The following OGFOD3 variants were observed in gnomAD, a reference collection of about 807,000 sequenced individuals.
The protein encoded by OGFOD3 is 2-oxoglutarate and iron-dependent oxygenase domain-containing protein 3.
OGFOD3 carries 35 observed loss-of-function variants against 39.8 expected under a neutral mutation model. The observed-to-expected ratio is 0.88, with a 90% confidence interval of 0.67 to 1.17. OGFOD3 has a LOEUF of 1.17. Among genes scored for constraint, OGFOD3 ranks in the 50% most tolerant of loss-of-function variants. The pLI is 0.00. For synonymous variants in OGFOD3, 200 were observed against 192.0 expected (o/e 1.04, Z -0.34); for missense variants, 438 against 454.5 (o/e 0.96, Z 0.33).
rs911956695 is a variant in OGFOD3, at chr17:82,404,726, T to TTTTTC, written c.545+593_545+597dup. 6.6e-6 allele frequency among the ~76,000 whole-genome samples: 1 copy of TTTTTC among 151,288 alleles called. No individual in the cohort carries two copies. The highest frequency in any genetic ancestry group is 2.4e-5 in the African/African-American group (1 of 41,046). On this transcript the variant is annotated intron_variant, in intron 6 of 8. Coordinates refer to ENST00000313056, the MANE Select transcript of OGFOD3 (RefSeq NM_024648.3). This position sits in a 1 kb window ranked among gnomAD's most constrained non-coding sequence, Gnocchi z 4.5. ...TCAACCTGGGCTCCTCCAGCAGAATTTTTTCTTTTCTTTTCTTTTTTTTTT... is the reference window on the plus strand; with the variant it reads ...TCAACCTGGGCTCCTCCAGCAGAATTTTTTCTTTTCTTTTCTTTTCTTTTTTTTTT...
Position 82,406,357 on chromosome 17 carries a change from A to G in OGFOD3, c.488+61T>C. ...ACGTGTCCACATGTCCATGGCTAAG[A>G]GGCACGGAGCCGCTCACTCGGCTTT... On this transcript the variant is annotated intron_variant, in intron 5 of 8. Transcript: ENST00000313056. This position sits in a 1 kb window ranked among gnomAD's most constrained non-coding sequence, Gnocchi z 5.2. 1 of 1,469,864 alleles carries G rather than the reference A, an allele frequency of 6.8e-7. No homozygotes were observed. Among genetic ancestry groups the G allele is most frequent in the Non-Finnish European group, 9.5e-7 (1 of 1,050,878 alleles). 91.1% of individuals were successfully genotyped at this position (1,469,864 alleles called of 1,614,324 possible).
intron 7 of OGFOD3, among the ~76,000 whole-genome samples, chr17:82,403,166 G>A (rs1419666216): frequency 1.3e-5 from 2 of 152,212 alleles, no homozygotes; most frequent in Non-Finnish European, 2.9e-5. Flanking sequence ...GAGACCATCT[G>A]CCGTAAGAGG....
At chr17:82,405,076 C>T (rs915702771) in intron 6 of OGFOD3, among the ~76,000 whole-genome samples, 5 of 152,216 alleles carry the variant, frequency 3.3e-5, no homozygotes, top group African/African-American at 7.2e-5. Context: ...GCTGATTTTA[C>T]ACAGCAGAAA....
At chr17:82,398,931 C>T (rs2052721232) in intron 7 of OGFOD3, among the ~76,000 whole-genome samples, 1 of 147,724 alleles carries the variant, frequency 6.8e-6, no homozygotes, top group Non-Finnish European at 1.5e-5. Context: ...CCACTTTGGC[C>T]TCCCGGGTGC....
rs1381153830 is a variant in OGFOD3, at chr17:82,403,988, GCT to G, written c.646_647del (p.Ser216HisfsTer140). 6.2e-7 allele frequency: 1 copy of G among 1,610,754 alleles called. No homozygotes were observed. The highest frequency in any genetic ancestry group is 1.1e-5 in the South Asian group (1 of 90,360). On this transcript the variant is annotated frameshift_variant, in exon 7 of 9. Transcript: ENST00000313056. LOFTEE classifies it high-confidence loss of function. ...TKPTFFSRIN[S>X]TEARTAHDEY... The stretch of plus-strand genomic sequence containing the variant: ...CGTCGTGCGCCGTCCGCGCTTCCGT[GCT>G]GTTTATGCGGGAGAAGAAGGTGGGC...
chr17:82,395,023 T>C (rs2052650513), intron 8 of OGFOD3, among the ~76,000 whole-genome samples: 1 of 152,102 alleles, frequency 6.6e-6, no homozygotes, highest in Admixed American at 6.6e-5. Context: ...GCTGGATTGT[T>C]TTTTGTTTTT....
chr17:82,413,371 G>A (rs998178131), intron 2 of OGFOD3, among the ~76,000 whole-genome samples: 58 of 152,268 alleles, frequency 3.8e-4, no homozygotes, highest in African/African-American at 1.3e-3. Context: ...AAGCACAGAC[G>A]CTGCTGGGTC....
chr17:82,394,597 GC>G, intron 8 of OGFOD3: 1 of 1,447,580 alleles, frequency 6.9e-7, no homozygotes, highest in Non-Finnish European at 9.5e-7. Flanking sequence ...AGGGGCCTGG[GC>G]GGTGCACACC....
intron 1 of OGFOD3, among the ~76,000 whole-genome samples, chr17:82,417,575 C>T (rs778085880): frequency 5.4e-5 from 8 of 148,328 alleles, no homozygotes; most frequent in Non-Finnish European, 1.0e-4. Flanking sequence ...GCCGAGATTG[C>T]GCCACTGCAC....
intron 1 of OGFOD3, among the ~76,000 whole-genome samples, chr17:82,416,474 C>G (rs2053039886): frequency 6.6e-6 from 1 of 152,038 alleles, no homozygotes; most frequent in Non-Finnish European, 1.5e-5. Flanking sequence ...GAGCCCCCTA[C>G]AGCTCAGGTT....
intron 3 of OGFOD3, among the ~76,000 whole-genome samples, chr17:82,409,903 GAA>G (rs1021740160): frequency 2.0e-5 from 3 of 147,796 alleles, no homozygotes; most frequent in African/African-American, 5.2e-5. Context: ...AAGAAAGAAA[GAA>G]AAAGAGAGAG....
At position 82,404,741 on chromosome 17, in the gene OGFOD3, CTTTTT is replaced by C. The variant is rs869251737; in HGVS notation, c.545+578_545+582del. 7.5e-6 allele frequency among the ~76,000 whole-genome samples: 1 copy of C among 133,184 alleles called. No individual in the cohort carries two copies. Among genetic ancestry groups the C allele is most frequent in the African/African-American group, 2.8e-5 (1 of 35,400 alleles). The allele number at this position is 133,184 out of a possible 152,430, so 87.4% of individuals were successfully genotyped here. On this transcript the variant is annotated intron_variant, in intron 6 of 8. Transcript: ENST00000313056. The surrounding 1 kb of genome is among the most constrained non-coding windows in gnomAD (Gnocchi z 4.5). ...CCAGCAGAATTTTTTCTTTTCTTTT[CTTTTT>C]TTTTTTTTTTTTTGAGATGAGGCTT...
chr17:82,411,427 C>A, intron 3 of OGFOD3, 28 bp downstream of exon 3: 1 of 1,606,306 alleles, frequency 6.2e-7, no homozygotes, highest in Admixed American at 1.7e-5. Flanking sequence ...TTGTTTGAAT[C>A]CCACCGTGCT....
In OGFOD3 at chr17:82,415,700, G is replaced by C; in HGVS notation, c.75-73C>G. 7.5e-7 allele frequency: 1 copy of C among 1,327,950 alleles called. No homozygotes were observed. The highest frequency in any genetic ancestry group is 1.4e-5 in the South Asian group (1 of 73,666). The allele number at this position is 1,327,950 out of a possible 1,614,324, so 82.3% of individuals were successfully genotyped here. ...GAGAAAACGCTCCCCGATCATCAAAGTGCATGCACCATGACCCGGCCTTCA... is the reference window on the plus strand; with the variant it reads ...GAGAAAACGCTCCCCGATCATCAAACTGCATGCACCATGACCCGGCCTTCA... On this transcript the variant is annotated intron_variant, in intron 1 of 8. Transcript: ENST00000313056. The surrounding 1 kb of genome is among the most constrained non-coding windows in gnomAD (Gnocchi z 5.3).
intron 7 of OGFOD3, 104 bp downstream of exon 7, chr17:82,403,833 T>C (rs113818317): frequency 0.012 from 17,725 of 1,431,612 alleles, 192 homozygotes; most frequent in African/African-American, 0.04. Flanking sequence ...CACGCTCACC[T>C]TGTCCACGAG....
At position 82,418,456 on chromosome 17, in the gene OGFOD3, C is replaced by T; in HGVS notation, c.30G>A (p.Lys10=). 45 of 1,476,028 alleles carry T rather than the reference C, an allele frequency of 3.0e-5. No individual in the cohort carries two copies. The highest frequency in any genetic ancestry group is 4.0e-5 in the Non-Finnish European group (45 of 1,119,388). 91.4% of individuals were successfully genotyped at this position (1,476,028 alleles called of 1,614,324 possible). ...CGGCCGCTCCGTTGCCCTCGGGCGC[C>T]TTGGTTGCGGCCCTCCGCTGAGGAG... MAPQRRAAT[K]APEGNGAAER... is the part of the protein sequence containing the mutation. The change falls in exon 1 of 9, where the codon AAG becomes AAA. Residue 10 remains lysine, a synonymous_variant. Transcript: ENST00000313056.
At chr17:82,399,042 G>A (rs1785265184) in intron 7 of OGFOD3, among the ~76,000 whole-genome samples, 1 of 150,828 alleles carries the variant, frequency 6.6e-6, no homozygotes, top group African/African-American at 2.4e-5. Context: ...TCGCTATGAT[G>A]CCCAGGCTGG....
At chr17:82,411,954 A>T (rs1599702825) in intron 2 of OGFOD3, among the ~76,000 whole-genome samples, 1 of 151,426 alleles carries the variant, frequency 6.6e-6, no homozygotes, top group South Asian at 2.1e-4. Flanking sequence ...AGGGAGGAAA[A>T]CCCTCCTGAG....
intron 7 of OGFOD3, among the ~76,000 whole-genome samples, chr17:82,400,062 G>A (rs1470938900): frequency 6.6e-6 from 1 of 152,304 alleles, no homozygotes; most frequent in East Asian, 1.9e-4. Context: ...GGGCAAGGTG[G>A]CCTCCTCTGA....
Sources: allele counts gnomAD v4.1 joint callset (sites outside exome capture counted in the v4.1 genomes callset), GRCh38; gene constraint gnomAD v4.1.1; non-coding constraint Gnocchi (gnomAD v3.1); transcripts MANE v1.5; gene names NCBI Gene and HGNC (gene_info 2026-07-23, HGNC 2026-07-21).